Variants in TRA2A observed in about 807,000 individuals in gnomAD.
The protein encoded by TRA2A is transformer-2 protein homolog alpha.
Under a neutral mutation model 45.7 loss-of-function variants are expected in TRA2A, and 31 were observed. The ratio of observed to expected loss-of-function variants is 0.68; its 90% CI spans 0.51 to 0.92. The LOEUF (loss-of-function observed/expected upper bound fraction) is 0.92, where lower values mean the gene tolerates loss of function less well. Among genes scored for constraint, TRA2A ranks in the 40% least tolerant of loss-of-function variants. The pLI, the probability that TRA2A is intolerant of heterozygous loss-of-function variation, is 0.00. For missense variants in TRA2A, 304 were observed against 367.5 expected, an observed-to-expected ratio of 0.83 and a Z score of 1.41; for synonymous variants, 132 against 126.2, an observed-to-expected ratio of 1.05 and a Z score of -0.31.
intron 1 of TRA2A, chr7:23,531,081 A>T (rs922341628): frequency 4.0e-6 from 1 of 253,158 alleles, no homozygotes. Context: ...AAGTGAAAGG[A>T]AAGTCGAAGG....
At chr7:23,511,436 C>T (rs1789615574) in intron 4 of TRA2A, among the ~76,000 whole-genome samples, 1 of 139,536 alleles carries the variant, frequency 7.2e-6, no homozygotes, top group Non-Finnish European at 1.5e-5. Flanking sequence ...GAAAAACACC[C>T]TGATTATTAA....
intron 5 of TRA2A, chr7:23,507,128 G>GTTTT: frequency 3.1e-6 from 1 of 318,526 alleles, no homozygotes; most frequent in Non-Finnish European, 5.8e-6. Flanking sequence ...CCCTACTTAT[G>GTTTT]TTTTTTTTCT....
chr7:23,512,915 C>G lies in TRA2A; in HGVS notation c.504G>C (p.Glu168Asp). Residue 168 changes from glutamate (E) to aspartate (D), a missense_variant, in exon 4 of 8, where the codon GAG becomes GAC. Glu to Asp is a conservative substitution (Grantham distance 45). This residue lies in a region of TRA2A where 130 missense variants were observed against 217.1 expected (regional missense o/e 0.60). Coordinates refer to ENST00000297071, the MANE Select transcript of TRA2A (RefSeq NM_013293.5). ...TTACCTCCTTTGAGTCATCTATTCTCTCAAAATACACAAAAGCAAATCCTC... is the reference window on the plus strand; with the variant it reads ...TTACCTCCTTTGAGTCATCTATTCTGTCAAAATACACAAAAGCAAATCCTC... ...RSRGFAFVYF[E>D]RIDDSKEAME... is the part of the protein sequence containing the mutation. The G allele has an allele frequency of 1.2e-6, 2 of 1,613,248 alleles. No individual in the cohort carries two copies. Among genetic ancestry groups the G allele is most frequent in the Non-Finnish European group, 1.7e-6 (2 of 1,179,640 alleles).
At chr7:23,508,851 G>A (rs911849167) in intron 4 of TRA2A, among the ~76,000 whole-genome samples, 5 of 151,494 alleles carry the variant, frequency 3.3e-5, no homozygotes, top group Non-Finnish European at 5.9e-5. Context: ...CTCTTAACTC[G>A]TGGCCTCAAG....
In TRA2A at chr7:23,516,473, G is replaced by C; in HGVS notation, c.226C>G (p.His76Asp). 6.2e-7 allele frequency: 1 copy of C among 1,614,236 alleles called. No homozygotes were observed. The highest frequency in any genetic ancestry group is 8.5e-7 in the Non-Finnish European group (1 of 1,180,030). Residue 76 changes from histidine to aspartate, a missense_variant, in exon 3 of 8, where the codon CAC (histidine) becomes GAC (aspartate). Physicochemically the swap from His to Asp is moderately conservative, Grantham distance 81. Transcript: ENST00000297071. ...RRYTRSRSHSHSHRRRSRSRS... is the reference protein window; with the variant it reads ...RRYTRSRSHSDSHRRRSRSRS... Reference sequence around the variant, plus strand: ...CTTCGAGATCGTCTCCTATGAGAGTGAGAGTGGGATCTGGATCGAGTGTAA... The same window carrying C: ...CTTCGAGATCGTCTCCTATGAGAGTCAGAGTGGGATCTGGATCGAGTGTAA...
chr7:23,524,774 C>T (rs1256728790), intron 1 of TRA2A, among the ~76,000 whole-genome samples: 2 of 151,732 alleles, frequency 1.3e-5, no homozygotes, highest in Admixed American at 6.6e-5. Flanking sequence ...TCACTGCAAC[C>T]TCCGCCTCCC....
chr7:23,527,907 AT>A (rs1170380967), intron 1 of TRA2A, among the ~76,000 whole-genome samples: 5 of 152,174 alleles, frequency 3.3e-5, no homozygotes, highest in African/African-American at 1.2e-4. Context: ...TGAGATTTTA[AT>A]TTTTTTTAAG....
Position 23,516,537 on chromosome 7 carries a change from G to T in TRA2A, c.171-9C>A. 2.5e-6 allele frequency: 4 copies of T among 1,613,378 alleles called. No homozygotes were observed. The highest frequency in any genetic ancestry group is 2.5e-6 in the Non-Finnish European group (3 of 1,179,470). On this transcript the variant is annotated splice_polypyrimidine_tract_variant and intron_variant, in intron 2 of 7. Transcript: ENST00000297071. The stretch of plus-strand genomic sequence containing the variant: ...GTCTCCTTGACCTCGACCTTTGAGA[G>T]AAATACATTTAGGTAAAAATACTGA...
Position 23,505,585 on chromosome 7 carries a change from C to CAAAAAAAAAAAAAA in TRA2A, c.839-30_839-17dup, listed in dbSNP as rs5882904. 6.1e-4 allele frequency: 150 copies of CAAAAAAAAAAAAAA among 244,954 alleles called. 1 individual carries two copies. The highest frequency in any genetic ancestry group is 2.4e-3 in the South Asian group (24 of 9,810). 15.2% of individuals were successfully genotyped at this position (244,954 alleles called of 1,614,324 possible). On this transcript the variant is annotated splice_polypyrimidine_tract_variant and intron_variant, in intron 7 of 7. Coordinates refer to ENST00000297071, the MANE Select transcript of TRA2A (RefSeq NM_013293.5). ...CAATAGCGTCCTAAAAGAGAAAAAG[C>CAAAAAAAAAAAAAA]AAAAAAAAAAAAAAAAAAAAAAAGT...
chr7:23,512,764 T>G, intron 4 of TRA2A, 130 bp downstream of exon 4: 1 of 803,352 alleles, frequency 1.2e-6, no homozygotes, highest in South Asian at 2.2e-5. Flanking sequence ...GGACGCAAGA[T>G]CCTATCTTTA....
At chr7:23,531,310 C>T in intron 1 of TRA2A, 1 of 940,040 alleles carries the variant, frequency 1.1e-6, no homozygotes, top group Non-Finnish European at 1.3e-6. Context: ...CCCAGCTAGT[C>T]CCACGCCAGC....
chr7:23,527,901 AT>A (rs1186874050), intron 1 of TRA2A, among the ~76,000 whole-genome samples: 2 of 152,184 alleles, frequency 1.3e-5, no homozygotes, highest in Admixed American at 1.3e-4. Context: ...AAAATTTGAG[AT>A]TTTAATTTTT....
intron 2 of TRA2A, among the ~76,000 whole-genome samples, chr7:23,517,597 A>C (rs1443573393): frequency 1.3e-5 from 2 of 150,700 alleles, no homozygotes; most frequent in Non-Finnish European, 3.0e-5. Flanking sequence ...AAAAAAAAAA[A>C]CAGAAACAAA....
chr7:23,515,028 T>C (rs1049077400), intron 3 of TRA2A, among the ~76,000 whole-genome samples: 5 of 151,840 alleles, frequency 3.3e-5, no homozygotes, highest in Admixed American at 6.6e-5. Context: ...CAAGACTCAA[T>C]TTTTTTTATA....
chr7:23,514,010 CTA>C (rs1210979359), intron 3 of TRA2A, among the ~76,000 whole-genome samples: 10 of 151,568 alleles, frequency 6.6e-5, no homozygotes, highest in Admixed American at 6.6e-4. Flanking sequence ...AATACTTAGG[CTA>C]AATTGTGGGA....
In TRA2A at chr7:23,510,608, T is replaced by C. The variant is rs112820257; in HGVS notation, c.525+2286A>G. 4.3e-3 allele frequency among the ~76,000 whole-genome samples: 656 copies of C among 152,174 alleles called. 4 individuals are homozygous for C. The highest frequency in any genetic ancestry group is 0.027 in the Middle Eastern group (8 of 294). On this transcript the variant is annotated intron_variant, in intron 4 of 7. Coordinates refer to ENST00000297071, the MANE Select transcript of TRA2A (RefSeq NM_013293.5). ...CTCCCGAAGTGCTGGGATTACAAGG[T>C]GCGAGCCACTGTGCCCGGCCTGCCA...
chr7:23,507,045 A>G (rs1789373902), intron 5 of TRA2A: 1 of 181,064 alleles, frequency 5.5e-6, no homozygotes, highest in Non-Finnish European at 1.2e-5. Context: ...TTACAGGTGT[A>G]AGCCACTGCG....
At chr7:23,509,618 C>A (rs148655073) in intron 4 of TRA2A, among the ~76,000 whole-genome samples, 99 of 152,126 alleles carry the variant, frequency 6.5e-4, no homozygotes, top group Non-Finnish European at 1.3e-3. Context: ...CACCTATAGT[C>A]CTAGCTACTC....
At chr7:23,517,061 C>A (rs143642987) in intron 2 of TRA2A, among the ~76,000 whole-genome samples, 4 of 151,618 alleles carry the variant, frequency 2.6e-5, no homozygotes, top group Non-Finnish European at 5.9e-5. Context: ...GCCGAGATTG[C>A]GCCACCGCAC....
Sources: gnomAD v4.1 joint callset for allele counts (sites outside exome capture counted in the v4.1 genomes callset) on GRCh38, gnomAD v4.1.1 for gene constraint, gnomAD v4.1.1 regional missense constraint, MANE v1.5 for transcripts, NCBI Gene and HGNC (gene_info 2026-07-23, HGNC 2026-07-21) for gene names.